CADM1: variants seen among roughly 807,000 people sequenced by gnomAD.
CADM1 encodes TSLC-1.
Under a neutral mutation model 53.1 loss-of-function variants are expected in CADM1, and 15 were observed. The observed-to-expected ratio is 0.28, with a 90% CI of 0.19 to 0.44. CADM1 has a LOEUF of 0.44. Ranked by LOEUF, CADM1 falls within the 20% of genes least tolerant of loss-of-function variation. The pLI is 1.00. For synonymous variants in CADM1, 281 were observed against 243.0 expected (o/e 1.16, Z -1.45); for missense variants, 434 against 611.3 (o/e 0.71, Z 3.06).
At chr11:115,387,614 G>A (rs1184635627) in intron 1 of CADM1, among the ~76,000 whole-genome samples, 1 of 152,112 alleles carries the variant, frequency 6.6e-6, no homozygotes, top group Admixed American at 6.5e-5. Flanking sequence ...ATTTTTAGAT[G>A]TATTAAAGGA....
At chr11:115,459,279 T>TAC (rs539710915) in intron 1 of CADM1, among the ~76,000 whole-genome samples, 31 of 152,200 alleles carry the variant, frequency 2.0e-4, no homozygotes, top group Admixed American at 4.6e-4. Flanking sequence ...ATCAGTGTAT[T>TAC]ACGTGTGTTC....
At chr11:115,198,342 T>A (rs1317004110) in intron 9 of CADM1, 64 bp downstream of exon 9, 6 of 1,260,210 alleles carry the variant, frequency 4.8e-6, no homozygotes, top group South Asian at 1.3e-5. Context: ...TTTCTCTTTT[T>A]CCCAGGCTTG....
At chr11:115,258,740 T>C (rs1431061092) in intron 1 of CADM1, among the ~76,000 whole-genome samples, 1 of 152,252 alleles carries the variant, frequency 6.6e-6, no homozygotes, top group Non-Finnish European at 1.5e-5. Context: ...AATCTAAGGT[T>C]TCCTTTTCTC....
At chr11:115,385,819 TA>T (rs1376159016) in intron 1 of CADM1, among the ~76,000 whole-genome samples, 2 of 152,196 alleles carry the variant, frequency 1.3e-5, no homozygotes, top group African/African-American at 4.8e-5. Flanking sequence ...TCTAAATTTC[TA>T]AGTTCTTTGA....
chr11:115,339,796 A>C (rs1945376203), intron 1 of CADM1, among the ~76,000 whole-genome samples: 1 of 152,178 alleles, frequency 6.6e-6, no homozygotes, highest in Admixed American at 6.5e-5. Flanking sequence ...TTTCCTTTTA[A>C]TTTATAGCAC....
chr11:115,192,252 T>A (rs1939911545), intron 9 of CADM1, among the ~76,000 whole-genome samples: 1 of 152,178 alleles, frequency 6.6e-6, no homozygotes. Context: ...TGTCACACCA[T>A]CAACCCTTGA....
intron 1 of CADM1, among the ~76,000 whole-genome samples, chr11:115,477,629 ACT>A (rs962891930): frequency 2.0e-5 from 3 of 152,172 alleles, no homozygotes; most frequent in African/African-American, 7.2e-5. Context: ...TTTCTGCTCC[ACT>A]CTGTGTGCTA....
At chr11:115,380,260 G>A (rs565764092) in intron 1 of CADM1, among the ~76,000 whole-genome samples, 286 of 152,224 alleles carry the variant, frequency 1.9e-3, no homozygotes, top group Middle Eastern at 3.4e-3. Flanking sequence ...GTTGGCAGCC[G>A]AAGAGAAGTT....
intron 1 of CADM1, among the ~76,000 whole-genome samples, chr11:115,415,827 A>T (rs1237848957): frequency 2.6e-5 from 2 of 75,778 alleles, no homozygotes; most frequent in African/African-American, 7.1e-5. Flanking sequence ...TGTCTCCAAA[A>T]AAAAAAAAAA....
chr11:115,294,907 A>G (rs1944008421), intron 1 of CADM1, among the ~76,000 whole-genome samples: 1 of 152,032 alleles, frequency 6.6e-6, no homozygotes, highest in Non-Finnish European at 1.5e-5. Flanking sequence ...GCATGGTGGC[A>G]TGCACCTGTA....
chr11:115,226,973 C>T (rs190749593), intron 5 of CADM1, among the ~76,000 whole-genome samples: 78 of 152,166 alleles, frequency 5.1e-4, no homozygotes, highest in African/African-American at 1.3e-3. Flanking sequence ...AAACCAGATG[C>T]GAAGTTCCAT....
chr11:115,172,725 ATTTTTTTTTTTTTTTT>A lies in CADM1; in HGVS notation c.*3733_*3748del, dbSNP rs991408884. 1.2e-5 allele frequency: 1 copy of A among 85,528 alleles called. No individual in the cohort carries two copies. The highest frequency in any genetic ancestry group is 1.9e-4 in the Admixed American group (1 of 5,246). 5.3% of individuals were successfully genotyped at this position (85,528 alleles called of 1,614,324 possible). ...CAGGTGCTCAATAACTGCATATCTG[ATTTTTTTTTTTTTTTT>A]TTTTTTTTTTTTTTTTTAACAGAGA... On this transcript the variant is annotated 3_prime_UTR_variant, in exon 12 of 12. Transcript: ENST00000331581.
At chr11:115,357,203 G>T (rs1945897843) in intron 1 of CADM1, among the ~76,000 whole-genome samples, 1 of 152,118 alleles carries the variant, frequency 6.6e-6, no homozygotes, top group African/African-American at 2.4e-5. Context: ...TCCCCCAAAG[G>T]CATTCGCTCC....
intron 10 of CADM1, among the ~76,000 whole-genome samples, chr11:115,179,677 G>A (rs75062791): frequency 4.6e-5 from 7 of 152,064 alleles, no homozygotes; most frequent in East Asian, 1.9e-4. Flanking sequence ...TTATTCTCCC[G>A]TTGATTAATA....
chr11:115,230,400 C>T (rs754385827), intron 4 of CADM1, among the ~76,000 whole-genome samples: 2 of 152,158 alleles, frequency 1.3e-5, no homozygotes, highest in Non-Finnish European at 2.9e-5. Context: ...ATACGATTAA[C>T]CCTATTTTAG....
At chr11:115,327,895 C>G (rs1591711785) in intron 1 of CADM1, among the ~76,000 whole-genome samples, 1 of 152,126 alleles carries the variant, frequency 6.6e-6, no homozygotes, top group Non-Finnish European at 1.5e-5. Context: ...ATCAAAACAA[C>G]TTTACTACCT....
chr11:115,359,724 T>C (rs1945978788), intron 1 of CADM1, among the ~76,000 whole-genome samples: 1 of 152,164 alleles, frequency 6.6e-6, no homozygotes. Context: ...TCAATCTTTG[T>C]TGAATGTTTT....
In CADM1 at chr11:115,389,185, G is replaced by A. The variant is rs1482291807; in HGVS notation, c.124+115086C>T. Among the ~76,000 whole-genome samples, 3 of 152,000 alleles carry A rather than the reference G, an allele frequency of 2.0e-5. No individual in the cohort carries two copies. The East Asian group carries it at 5.8e-4, about 29-fold the overall frequency. ...ACAGACACAAATGATAAAGCAAATG[G>A]AACAAAATGTCAATAAGAGGCGAAT... On this transcript the variant is annotated intron_variant, in intron 1 of 11. Coordinates refer to ENST00000331581, the MANE Select transcript of CADM1 (RefSeq NM_001301043.2).
rs1025153690 is a variant in CADM1, at chr11:115,176,278, G to A, written c.*196C>T. Reference sequence around the variant, plus strand: ...AAACAAACAAACAAACGAAAAAAGAGGTGTCAAACAGCAGAGTGTACTTTC... The same window carrying A: ...AAACAAACAAACAAACGAAAAAAGAAGTGTCAAACAGCAGAGTGTACTTTC... On this transcript the variant is annotated 3_prime_UTR_variant, in exon 12 of 12. Transcript: ENST00000331581. The A allele has an allele frequency of 3.6e-6, 5 of 1,385,432 alleles. No homozygotes were observed. The highest frequency in any genetic ancestry group is 4.7e-6 in the Non-Finnish European group (5 of 1,064,690). 85.8% of individuals were successfully genotyped at this position (1,385,432 alleles called of 1,614,324 possible). A position where few individuals can be genotyped will look rare whatever the true frequency, so the allele number is the denominator to read the frequency against.
Sources: gnomAD v4.1 joint callset for allele counts (sites outside exome capture counted in the v4.1 genomes callset) on GRCh38, gnomAD v4.1.1 for gene constraint, MANE v1.5 for transcripts, NCBI Gene and HGNC (gene_info 2026-07-23, HGNC 2026-07-21) for gene names.